STK31: variants seen among roughly 807,000 people sequenced by gnomAD.
STK31 encodes the protein serine/threonine-protein kinase 31.
STK31 carries 89 observed loss-of-function variants against 129.7 expected under a neutral mutation model. The observed-to-expected ratio is 0.69, with a 90% CI of 0.58 to 0.82. The LOEUF (loss-of-function observed/expected upper bound fraction) is 0.82, where lower values mean the gene tolerates loss of function less well. Ranked by LOEUF, STK31 falls within the 40% of genes least tolerant of loss-of-function variation. The probability of loss-of-function intolerance (pLI) is 0.00; values close to 1 mark genes in which losing one functional copy is unlikely to be tolerated. For synonymous variants in STK31, 448 were observed against 395.3 expected (o/e 1.13, Z -1.58); for missense variants, 1,187 against 1,176.4 (o/e 1.01, Z -0.13).
Position 23,752,814 on chromosome 7 carries a change from A to C in STK31, c.1115A>C (p.Glu372Ala), listed in dbSNP as rs753795538. The change falls in exon 9 of 24, where the codon GAA (glutamate) becomes GCA (alanine). Residue 372 changes from glutamate (E) to alanine (A), a missense_variant. By Grantham distance (107) the Glu-to-Ala change is moderately radical (BLOSUM62 -1). Coordinates refer to ENST00000355870, the MANE Select transcript of STK31 (RefSeq NM_031414.5). ...TRMKNLAAKM[E>A]ILKEMRHVDI... ...ATGAAAAATCTGGCAGCTAAGATGG[A>C]AATACTGAAAGAAATGAGGTAGGTA... 1.9e-6 allele frequency: 3 copies of C among 1,608,494 alleles called. No homozygotes were observed. The highest frequency in any genetic ancestry group is 2.6e-6 in the Non-Finnish European group (3 of 1,175,524).
intron 22 of STK31, among the ~76,000 whole-genome samples, chr7:23,807,410 T>C (rs540690601): frequency 5.3e-4 from 81 of 152,306 alleles, no homozygotes; most frequent in African/African-American, 1.9e-3. Context: ...GATGAGAAAT[T>C]CACTGTCATT....
intron 15 of STK31, among the ~76,000 whole-genome samples, chr7:23,777,427 G>T (rs1467319933): frequency 6.6e-6 from 1 of 152,080 alleles, no homozygotes; most frequent in Non-Finnish European, 1.5e-5. Flanking sequence ...TGACAGTAGG[G>T]TGTTAAAGTC....
intron 4 of STK31, 52 bp from the exon 5 acceptor site, chr7:23,727,189 T>G (rs1264140983): frequency 6.9e-7 from 1 of 1,442,300 alleles, no homozygotes; most frequent in Non-Finnish European, 9.7e-7. Context: ...TATTCTGATC[T>G]GTTCACCATG....
At chr7:23,779,910 G>A (rs183168684) in intron 15 of STK31, among the ~76,000 whole-genome samples, 289 of 152,284 alleles carry the variant, frequency 1.9e-3, no homozygotes, top group Non-Finnish European at 3.6e-3. Flanking sequence ...CAGCTAGCTC[G>A]GTGTCTGCCC....
At chr7:23,797,415 C>G (rs1316908058) in intron 22 of STK31, among the ~76,000 whole-genome samples, 1 of 152,190 alleles carries the variant, frequency 6.6e-6, no homozygotes, top group Non-Finnish European at 1.5e-5. Flanking sequence ...AATGGTCTCT[C>G]AGACCACAGT....
In STK31 at chr7:23,743,475, G is replaced by C. The variant is rs535428855; in HGVS notation, c.1017+6397G>C. On this transcript the variant is annotated intron_variant, in intron 8 of 23. Coordinates refer to ENST00000355870, the MANE Select transcript of STK31 (RefSeq NM_031414.5). ...TGAATATATTGTTTCATTCTCTCCT[G>C]TAAGGATTTTACTGAGAAATTTACA... 7.2e-5 allele frequency among the ~76,000 whole-genome samples: 11 copies of C among 152,220 alleles called. No individual in the cohort carries two copies. In the South Asian group the frequency reaches 2.3e-3, roughly 32 times the overall value.
chr7:23,717,416 C>T, intron 3 of STK31, 65 bp from the exon 4 acceptor site: 2 of 1,132,698 alleles, frequency 1.8e-6, no homozygotes, highest in Non-Finnish European at 1.3e-6. Context: ...TGCTTAGAAC[C>T]CTCAAGCGTG....
intron 8 of STK31, among the ~76,000 whole-genome samples, chr7:23,747,146 G>T (rs922247934): frequency 6.6e-6 from 1 of 152,060 alleles, no homozygotes; most frequent in Admixed American, 6.6e-5. Context: ...TTTGTGTAAT[G>T]TTGTTTTCTG....
rs1156688610 is a variant in STK31, at chr7:23,751,473, T to C, written c.1018-1244T>C. On this transcript the variant is annotated intron_variant, in intron 8 of 23. Transcript: ENST00000355870. ...TTTAAGTTGATTGACATTTGTTTCATTACCCAGCATATGGTCTGCCTGGAA... is the reference window on the plus strand; with the variant it reads ...TTTAAGTTGATTGACATTTGTTTCACTACCCAGCATATGGTCTGCCTGGAA... Among the ~76,000 whole-genome samples the C allele has an allele frequency of 2.0e-5, 3 of 152,234 alleles. No homozygotes were observed. In the East Asian group the frequency reaches 5.8e-4, roughly 29 times the overall value.
intron 22 of STK31, among the ~76,000 whole-genome samples, chr7:23,800,064 CTT>C (rs920518787): frequency 2.0e-5 from 3 of 152,110 alleles, no homozygotes; most frequent in African/African-American, 4.8e-5. Context: ...GAATGGCACT[CTT>C]TGAAAAGTCA....
chr7:23,827,384 C>T (rs779287539), intron 23 of STK31, among the ~76,000 whole-genome samples: 21 of 152,062 alleles, frequency 1.4e-4, no homozygotes, highest in African/African-American at 4.6e-4. Context: ...TCCAGTTGAT[C>T]GCGTCGGTTA....
chr7:23,722,829 C>T (rs1035228594), intron 4 of STK31: 2 of 152,604 alleles, frequency 1.3e-5, no homozygotes, highest in African/African-American at 4.8e-5. Context: ...TGCAGTTCAT[C>T]TGAGACTGCT....
At chr7:23,829,590 G>T (rs772236576) in intron 23 of STK31, among the ~76,000 whole-genome samples, 3 of 152,084 alleles carry the variant, frequency 2.0e-5, no homozygotes, top group Non-Finnish European at 4.4e-5. Flanking sequence ...ATAGTTTTTT[G>T]TTGTTGTTGT....
chr7:23,766,981 C>T lies in STK31; in HGVS notation c.1417-2014C>T, dbSNP rs1218039397. On this transcript the variant is annotated intron_variant, in intron 11 of 23. Transcript: ENST00000355870. The stretch of plus-strand genomic sequence containing the variant: ...TAACCATGTAGCTAATGAATTAATC[C>T]TCTAGCTGTGTCCCTTCTGCCATTT... 2.6e-5 allele frequency among the ~76,000 whole-genome samples: 4 copies of T among 152,208 alleles called. No individual in the cohort carries two copies. In the East Asian group the frequency reaches 7.7e-4, roughly 29 times the overall value.
At chr7:23,754,607 C>T (rs758545111) in intron 10 of STK31, 133 bp downstream of exon 10, 55 of 967,254 alleles carry the variant, frequency 5.7e-5, no homozygotes, top group Non-Finnish European at 7.4e-5. Context: ...TATACATGCG[C>T]CGTGGTAGTT....
intron 4 of STK31, among the ~76,000 whole-genome samples, chr7:23,723,793 G>T (rs984188739): frequency 6.6e-6 from 1 of 152,096 alleles, no homozygotes; most frequent in African/African-American, 2.4e-5. Context: ...ACATGTTTTG[G>T]TGGTTGTATT....
At chr7:23,775,784 A>G (rs368390515) in intron 15 of STK31, among the ~76,000 whole-genome samples, 2 of 152,178 alleles carry the variant, frequency 1.3e-5, no homozygotes, top group Admixed American at 6.5e-5. Flanking sequence ...AACAGAGACA[A>G]TTTGACTTCC....
At chr7:23,763,363 TAGC>T (rs1274462933) in intron 11 of STK31, among the ~76,000 whole-genome samples, 1 of 152,166 alleles carries the variant, frequency 6.6e-6, no homozygotes, top group Non-Finnish European at 1.5e-5. Context: ...GTAGTACATA[TAGC>T]TATATGATAT....
rs567467400 is a variant in STK31 at position 23,775,632 on chromosome 7, C to T, written c.1965+3354C>T. Among the ~76,000 whole-genome samples the T allele has an allele frequency of 2.6e-5, 4 of 151,744 alleles. No homozygotes were observed. The East Asian group carries it at 7.8e-4, about 30-fold the overall frequency. On this transcript the variant is annotated intron_variant, in intron 15 of 23. Coordinates refer to ENST00000355870, the MANE Select transcript of STK31 (RefSeq NM_031414.5). ...CACTCATGATTTGGCTCTCTGTTTG[C>T]CTATTATTGGTGTATAGGAATGCTT...
Sources: gnomAD v4.1 joint callset for allele counts (sites outside exome capture counted in the v4.1 genomes callset) on GRCh38, gnomAD v4.1.1 for gene constraint, MANE v1.5 for transcripts, NCBI Gene and HGNC (gene_info 2026-07-23, HGNC 2026-07-21) for gene names.